Variants in MID1 observed in about 807,000 individuals in gnomAD.
The protein encoded by MID1 is E3 ubiquitin-protein ligase Midline-1.
MID1 carries 7 observed loss-of-function variants against 40.4 expected under a neutral mutation model. That is an observed-to-expected ratio of 0.17 (90% CI 0.10 to 0.33). MID1 has a LOEUF of 0.33. Among genes scored for constraint, MID1 ranks in the 10% least tolerant of loss-of-function variants. The probability of loss-of-function intolerance (pLI) is 1.00; values close to 1 mark genes in which losing one functional copy is unlikely to be tolerated. For synonymous variants in MID1, 229 were observed against 221.2 expected, an observed-to-expected ratio of 1.04 and a Z score of -0.31; for missense variants, 367 against 558.5, an observed-to-expected ratio of 0.66 and a Z score of 3.46.
intron 1 of MID1, among the ~76,000 whole-genome samples, chrX:10,786,693 C>A (rs1029478065): frequency 9.2e-6 from 1 of 108,973 alleles, no homozygotes; most frequent in Non-Finnish European, 1.9e-5. Flanking sequence ...TGGAAACCAT[C>A]ATTCTGAGCA....
intron 2 of MID1, among the ~76,000 whole-genome samples, chrX:10,536,368 AT>A (rs1157458038): frequency 8.9e-6 from 1 of 112,818 alleles, no homozygotes; most frequent in Non-Finnish European, 1.9e-5. Context: ...TTACTAAGGC[AT>A]TTTCCCAATA....
intron 1 of MID1, among the ~76,000 whole-genome samples, chrX:10,700,612 T>G (rs906739175): frequency 3.6e-5 from 4 of 112,279 alleles, no homozygotes; most frequent in African/African-American, 1.3e-4. Flanking sequence ...TCTTTACATT[T>G]AGGAGAGCAT....
At chrX:10,642,738 G>T (rs754310160) in intron 1 of MID1, among the ~76,000 whole-genome samples, 19 of 110,240 alleles carry the variant, frequency 1.7e-4, no homozygotes, top group Middle Eastern at 4.6e-3. Flanking sequence ...AAAGCTGGAG[G>T]CATCACGCTA....
intron 1 of MID1, among the ~76,000 whole-genome samples, chrX:10,639,299 C>T (rs924345861): frequency 2.7e-5 from 3 of 111,547 alleles, no homozygotes; most frequent in Admixed American, 9.6e-5. Context: ...CTAGAATAAA[C>T]AGTGTAGAGA....
intron 9 of MID1, among the ~76,000 whole-genome samples, chrX:10,454,073 A>C (rs1243994591): frequency 6.2e-5 from 7 of 112,527 alleles, no homozygotes; most frequent in Non-Finnish European, 1.3e-4. Context: ...AAAGGGGTGC[A>C]GTTGTGGCTG....
rs189598271 is a variant in MID1 at position 10,450,739 on chromosome X, T to C, written c.1656-1023A>G. 3.6e-5 allele frequency among the ~76,000 whole-genome samples: 4 copies of C among 112,272 alleles called. No individual in the cohort carries two copies. In the East Asian group the frequency reaches 1.1e-3, roughly 31 times the overall value. On this transcript the variant is annotated intron_variant, in intron 9 of 9. Coordinates refer to ENST00000317552, the MANE Select transcript of MID1 (RefSeq NM_000381.4). ...CTTCTGGTTATTCTAAATGTTCTCT[T>C]GCTGCTCAAAAAAATCCAAAGAATG...
chrX:10,599,699 T>C (rs1935481645), intron 1 of MID1, among the ~76,000 whole-genome samples: 2 of 112,493 alleles, frequency 1.8e-5, no homozygotes, highest in South Asian at 7.3e-4. Context: ...AAGACCCACA[T>C]AACAGAAACC....
At chrX:10,451,819 C>CACATAGAACTGTAAGTA (rs1218479046) in intron 9 of MID1, among the ~76,000 whole-genome samples, 1 of 111,467 alleles carries the variant, frequency 9.0e-6, no homozygotes, top group African/African-American at 3.3e-5. Context: ...CTTTCCCAGC[C>CACATAGAACTGTAAGTA]ACATAGAACT....
At chrX:10,793,327 G>T (rs1280685944) in intron 1 of MID1, among the ~76,000 whole-genome samples, 4 of 112,316 alleles carry the variant, frequency 3.6e-5, no homozygotes, top group Non-Finnish European at 5.6e-5. Context: ...TTTTACAGAT[G>T]AGCAAACTGA....
At chrX:10,675,697 T>G (rs1276824633) in intron 1 of MID1, among the ~76,000 whole-genome samples, 1 of 111,691 alleles carries the variant, frequency 9.0e-6, no homozygotes, top group Non-Finnish European at 1.9e-5. Flanking sequence ...ATAAATAATG[T>G]ATTCTATATA....
At chrX:10,783,557 C>T (rs909617390) in intron 1 of MID1, among the ~76,000 whole-genome samples, 4 of 111,513 alleles carry the variant, frequency 3.6e-5, no homozygotes, top group Non-Finnish European at 5.6e-5. Context: ...TTTGCAAATG[C>T]GAGACACCCA....
intron 1 of MID1, among the ~76,000 whole-genome samples, chrX:10,775,972 A>C (rs2043800193): frequency 9.0e-6 from 1 of 111,677 alleles, no homozygotes; most frequent in Non-Finnish European, 1.9e-5. Context: ...GTTGGACAGA[A>C]GAGATTGAAT....
At chrX:10,548,525 G>T (rs1026928221) in intron 2 of MID1, among the ~76,000 whole-genome samples, 2 of 112,173 alleles carry the variant, frequency 1.8e-5, no homozygotes, top group African/African-American at 6.5e-5. Flanking sequence ...TATTGAATGT[G>T]TTATTTAGAT....
chrX:10,817,475 TGGATGACTTCAAC>T (rs1426861131), intron 1 of MID1, among the ~76,000 whole-genome samples: 2 of 111,278 alleles, frequency 1.8e-5, no homozygotes, highest in East Asian at 5.7e-4. Context: ...ATGACTTCAA[TGGATGACTTCAAC>T]ATGATTTTCT....
chrX:10,817,620 CTTCT>C (rs2044148367), intron 1 of MID1, among the ~76,000 whole-genome samples: 1 of 45,229 alleles, frequency 2.2e-5, no homozygotes, highest in Non-Finnish European at 4.5e-5. Context: ...TTCTTTCTTT[CTTCT>C]TTTTTTTTTT....
intron 1 of MID1, among the ~76,000 whole-genome samples, chrX:10,571,916 A>T (rs1174201977): frequency 9.1e-6 from 1 of 109,404 alleles, no homozygotes; most frequent in Non-Finnish European, 1.9e-5. Flanking sequence ...GGTGTAATGC[A>T]ACATAAAAAA....
chrX:10,735,384 G>A (rs2043481172), intron 1 of MID1, among the ~76,000 whole-genome samples: 1 of 111,690 alleles, frequency 9.0e-6, no homozygotes, highest in Non-Finnish European at 1.9e-5. Flanking sequence ...TTACAGGCGT[G>A]AGCCACCGTG....
intron 1 of MID1, among the ~76,000 whole-genome samples, chrX:10,712,037 A>C: frequency 8.9e-6 from 1 of 112,293 alleles, no homozygotes; most frequent in African/African-American, 3.2e-5. Context: ...ACTCTGATTT[A>C]TGTACATCCA....
intron 8 of MID1, among the ~76,000 whole-genome samples, chrX:10,457,199 C>T (rs1054072961): frequency 8.9e-6 from 1 of 111,881 alleles, no homozygotes; most frequent in Non-Finnish European, 1.9e-5. Flanking sequence ...TGCTCGGCCT[C>T]CTTCCGGTGA....
Sources: gnomAD v4.1 joint callset for allele counts (sites outside exome capture counted in the v4.1 genomes callset) on GRCh38, gnomAD v4.1.1 for gene constraint, MANE v1.5 for transcripts, NCBI Gene and HGNC (gene_info 2026-07-23, HGNC 2026-07-21) for gene names.